Variants in TSPAN5 observed in about 807,000 individuals in gnomAD.
The protein encoded by TSPAN5 is tetraspanin-5.
In TSPAN5, 10 loss-of-function variants were observed where a neutral mutation model predicts 37.1. The ratio of observed to expected loss-of-function variants is 0.27; its 90% CI spans 0.17 to 0.46. The LOEUF is 0.46. TSPAN5 is among the 20% of genes least tolerant of loss of function. TSPAN5 has a pLI of 1.00. For synonymous variants in TSPAN5, 110 were observed against 118.9 expected, an observed-to-expected ratio of 0.93 and a Z score of 0.48; for missense variants, 195 against 326.6, an observed-to-expected ratio of 0.60 and a Z score of 3.11.
At chr4:98,473,990 T>A (rs1752641890) in intron 7 of TSPAN5, among the ~76,000 whole-genome samples, 1 of 152,210 alleles carries the variant, frequency 6.6e-6, no homozygotes, top group African/African-American at 2.4e-5. Context: ...TTCTAGATAC[T>A]AGGAGTTATC....
intron 1 of TSPAN5, among the ~76,000 whole-genome samples, chr4:98,578,734 T>C (rs1441662525): frequency 6.6e-6 from 1 of 152,176 alleles, no homozygotes; most frequent in Non-Finnish European, 1.5e-5. Flanking sequence ...TAGTACTTAT[T>C]ATATGCCAAA....
chr4:98,555,582 C>T (rs566388578), intron 1 of TSPAN5, among the ~76,000 whole-genome samples: 199 of 152,186 alleles, frequency 1.3e-3, no homozygotes, highest in African/African-American at 4.5e-3. Context: ...CCATCTTATC[C>T]ACTTGTGTTT....
In TSPAN5 at chr4:98,513,358, T is replaced by C. The variant is rs561760210; in HGVS notation, c.82-5630A>G. ...CAGGGGTGGGGTAGGCAGGCAGGTC[T>C]TTGCAGATCTGGGCTTTGGAAAAAT... is the stretch of plus-strand genomic sequence containing the variant. On this transcript the variant is annotated intron_variant, in intron 1 of 7. Transcript: ENST00000305798. Among the ~76,000 whole-genome samples the C allele has an allele frequency of 4.6e-5, 7 of 152,194 alleles. No homozygotes were observed. In the South Asian group the frequency reaches 1.2e-3, roughly 27 times the overall value.
chr4:98,557,002 T>C (rs564102948), intron 1 of TSPAN5, among the ~76,000 whole-genome samples: 6 of 152,202 alleles, frequency 3.9e-5, no homozygotes, highest in African/African-American at 1.4e-4. Flanking sequence ...ATTACCACAT[T>C]GTATTATAAT....
At chr4:98,577,667 G>A (rs1755270321) in intron 1 of TSPAN5, among the ~76,000 whole-genome samples, 1 of 152,246 alleles carries the variant, frequency 6.6e-6, no homozygotes, top group African/African-American at 2.4e-5. Context: ...ACACCCCAGA[G>A]AAAGAAAAGA....
At chr4:98,621,201 G>A (rs563598350) in intron 1 of TSPAN5, among the ~76,000 whole-genome samples, 8 of 152,018 alleles carry the variant, frequency 5.3e-5, no homozygotes, top group Non-Finnish European at 1.2e-4. Flanking sequence ...CTAGGGGAGA[G>A]CCACGGAGCT....
intron 2 of TSPAN5, among the ~76,000 whole-genome samples, chr4:98,494,207 T>A (rs1404974613): frequency 6.6e-6 from 1 of 151,876 alleles, no homozygotes; most frequent in Non-Finnish European, 1.5e-5. Flanking sequence ...TGCTCTAGAG[T>A]GGGGCAGAGA....
At chr4:98,511,427 T>C (rs1753602891) in intron 1 of TSPAN5, among the ~76,000 whole-genome samples, 1 of 152,234 alleles carries the variant, frequency 6.6e-6, no homozygotes, top group African/African-American at 2.4e-5. Context: ...CTATACTGCA[T>C]GTCACTGTAC....
At chr4:98,637,126 T>C (rs1459150949) in intron 1 of TSPAN5, among the ~76,000 whole-genome samples, 1 of 152,202 alleles carries the variant, frequency 6.6e-6, no homozygotes, top group African/African-American at 2.4e-5. Flanking sequence ...CTAACAGAAG[T>C]GTCTGAAGCC....
intron 1 of TSPAN5, among the ~76,000 whole-genome samples, chr4:98,589,747 G>A (rs1479729047): frequency 1.3e-5 from 2 of 152,156 alleles, no homozygotes; most frequent in African/African-American, 4.8e-5. Context: ...ATTACCTTGT[G>A]TTAATGAAAA....
At chr4:98,620,291 A>G (rs906013540) in intron 1 of TSPAN5, among the ~76,000 whole-genome samples, 2 of 152,202 alleles carry the variant, frequency 1.3e-5, no homozygotes, top group African/African-American at 4.8e-5. Flanking sequence ...TCTAAGCCAC[A>G]TGAAGAAACC....
intron 3 of TSPAN5, chr4:98,482,964 T>G (rs1483816224): frequency 1.3e-5 from 2 of 152,128 alleles, no homozygotes; most frequent in African/African-American, 4.8e-5. Context: ...GGCAACGTGG[T>G]AACTGCCCGT....
chr4:98,654,396 A>G (rs886399520), intron 1 of TSPAN5, among the ~76,000 whole-genome samples: 1 of 152,240 alleles, frequency 6.6e-6, no homozygotes, highest in Non-Finnish European at 1.5e-5. Context: ...CAAAACATCT[A>G]TTAATGATGA....
rs187743474 is a variant in TSPAN5 at position 98,571,580 on chromosome 4, T to C, written c.82-63852A>G. On this transcript the variant is annotated intron_variant, in intron 1 of 7. Coordinates refer to ENST00000305798, the MANE Select transcript of TSPAN5 (RefSeq NM_005723.4). ...GTGAGGTAAGTAAAAAAAAACCACA[T>C]ACTGTGCAAGGTTAGGAAAATTTGA... Among the ~76,000 whole-genome samples, 165 of 151,012 alleles carry C rather than the reference T, an allele frequency of 1.1e-3. 1 individual carries two copies. Among genetic ancestry groups the C allele is most frequent in the Non-Finnish European group, 1.5e-3 (100 of 67,848 alleles).
At position 98,482,100 on chromosome 4, in the gene TSPAN5, T is replaced by C; in HGVS notation, c.355A>G (p.Ile119Val). 1 of 1,614,126 alleles carries C rather than the reference T, an allele frequency of 6.2e-7. No homozygotes were observed. Among genetic ancestry groups the C allele is most frequent in the Non-Finnish European group, 8.5e-7 (1 of 1,180,010 alleles). The change falls in exon 4 of 8, where the codon ATC becomes GTC. Residue 119 changes from isoleucine to valine, a missense_variant. Physicochemically the swap from Ile to Val is conservative, Grantham distance 29 (BLOSUM62 3). Coordinates refer to ENST00000305798, the MANE Select transcript of TSPAN5 (RefSeq NM_005723.4). ...GVLAFVFKDW[I>V]KDQLYFFINN... ...ATAAAGAAATACAGCTGGTCTTTGATCCAGTCTTTGAAAACAAATGCTAGA... is the reference window on the plus strand; with the variant it reads ...ATAAAGAAATACAGCTGGTCTTTGACCCAGTCTTTGAAAACAAATGCTAGA...
chr4:98,567,793 T>C (rs1051161149), intron 1 of TSPAN5, among the ~76,000 whole-genome samples: 1 of 152,026 alleles, frequency 6.6e-6, no homozygotes, highest in Non-Finnish European at 1.5e-5. Flanking sequence ...TTCAGTTAGT[T>C]GTTGGCGGTG....
intron 1 of TSPAN5, among the ~76,000 whole-genome samples, chr4:98,565,964 C>T (rs1754995405): frequency 6.6e-6 from 1 of 152,112 alleles, no homozygotes; most frequent in Admixed American, 6.5e-5. Context: ...AGATAAAAAG[C>T]CAAGTGAACA....
chr4:98,560,568 C>A (rs1754859228), intron 1 of TSPAN5, among the ~76,000 whole-genome samples: 1 of 152,206 alleles, frequency 6.6e-6, no homozygotes, highest in Admixed American at 6.5e-5. Context: ...TGAGGCTCCG[C>A]TCAGCAAATA....
chr4:98,542,821 T>C (rs56034320), intron 1 of TSPAN5, among the ~76,000 whole-genome samples: 1,541 of 151,600 alleles, frequency 0.01, 17 homozygotes, highest in South Asian at 0.022. Flanking sequence ...ACTGGAAAAA[T>C]TCTGGAAAAA....
Sources: gnomAD v4.1 joint callset for allele counts (sites outside exome capture counted in the v4.1 genomes callset) on GRCh38, gnomAD v4.1.1 for gene constraint, MANE v1.5 for transcripts, NCBI Gene and HGNC (gene_info 2026-07-23, HGNC 2026-07-21) for gene names.